The following RBM28 variants were observed in gnomAD, a reference collection of about 807,000 sequenced individuals.
The protein encoded by RBM28 is RNA binding motif protein 28.
A neutral mutation model predicts 98.3 loss-of-function variants in RBM28; 78 were observed. The observed-to-expected ratio is 0.79, with a 90% confidence interval of 0.66 to 0.96. The LOEUF (loss-of-function observed/expected upper bound fraction) is 0.96. Among genes scored for constraint, RBM28 ranks in the 40% least tolerant of loss-of-function variants. The probability of loss-of-function intolerance (pLI) is 0.00; values close to 1 mark genes in which losing one functional copy is unlikely to be tolerated. For synonymous variants in RBM28, 306 were observed against 330.9 expected (o/e 0.92, Z 0.82); for missense variants, 838 against 913.0 (o/e 0.92, Z 1.06).
rs1584661252 is a variant in RBM28, at chr7:128,336,479, T to C, written c.614-437A>G. On this transcript the variant is annotated intron_variant, in intron 6 of 18. Coordinates refer to ENST00000223073, the MANE Select transcript of RBM28 (RefSeq NM_018077.3). ...AAACCTCAAGTTTTAAGTTTCTCTA[T>C]TCTTAATGTTCCATCACTCCTATTA... is the stretch of plus-strand genomic sequence containing the variant. 2.0e-5 allele frequency among the ~76,000 whole-genome samples: 3 copies of C among 152,248 alleles called. No homozygotes were observed. The East Asian group carries it at 5.8e-4, about 29-fold the overall frequency.
At position 128,321,347 on chromosome 7, in the gene RBM28, G is replaced by GATGT; in HGVS notation, c.1481_1482insACAT (p.Pro495HisfsTer7). ...GCTGTTTGTCATCTACAGCCTTTGGGAGATTGTGCAGGCAGAGCCTGGTTC... is the reference window on the plus strand; with the variant it reads ...GCTGTTTGTCATCTACAGCCTTTGGGATGTAGATTGTGCAGGCAGAGCCTGGTTC... On this transcript the variant is annotated frameshift_variant, in exon 14 of 19. Coordinates refer to ENST00000223073, the MANE Select transcript of RBM28 (RefSeq NM_018077.3). LOFTEE classifies it high-confidence loss of function. 6.2e-7 allele frequency: 1 copy of GATGT among 1,614,222 alleles called. No individual in the cohort carries two copies. The highest frequency in any genetic ancestry group is 8.5e-7 in the Non-Finnish European group (1 of 1,180,040).
At chr7:128,332,448 G>A (rs944535299) in intron 9 of RBM28, among the ~76,000 whole-genome samples, 4 of 151,816 alleles carry the variant, frequency 2.6e-5, no homozygotes, top group Non-Finnish European at 4.4e-5. Flanking sequence ...CCACCTCTGC[G>A]TTTTAAGTGA....
At chr7:128,312,796 G>A (rs1312640834) in intron 18 of RBM28, among the ~76,000 whole-genome samples, 3 of 152,096 alleles carry the variant, frequency 2.0e-5, no homozygotes, top group Admixed American at 1.3e-4. Context: ...ATATTATAAT[G>A]GCATAAGGTG....
intron 18 of RBM28, among the ~76,000 whole-genome samples, chr7:128,312,042 CTAAAAA>C (rs1383230781): frequency 6.6e-6 from 1 of 152,166 alleles, no homozygotes; most frequent in Non-Finnish European, 1.5e-5. Context: ...CCCAGAATCA[CTAAAAA>C]TGGGCAACCA....
chr7:128,323,131 A>G (rs956065261), intron 13 of RBM28, among the ~76,000 whole-genome samples: 1 of 152,174 alleles, frequency 6.6e-6, no homozygotes, highest in Non-Finnish European at 1.5e-5. Context: ...TTCAAGAGCC[A>G]TATCTTCTCC....
At chr7:128,340,938 A>C (rs140304806) in intron 1 of RBM28, among the ~76,000 whole-genome samples, 37 of 152,366 alleles carry the variant, frequency 2.4e-4, no homozygotes, top group African/African-American at 8.4e-4. Flanking sequence ...CCTCCTCACC[A>C]GCCCCCATGT....
In RBM28 at chr7:128,329,749, T is replaced by C. The variant is rs547453503; in HGVS notation, c.1129+1070A>G. On this transcript the variant is annotated intron_variant, in intron 10 of 18. Coordinates refer to ENST00000223073, the MANE Select transcript of RBM28 (RefSeq NM_018077.3). Reference sequence around the variant, plus strand: ...AAATACAAACACAAAATTAGCCGGGTGCAGTGGTGGGCACCTGTAGTCCCA... The same window carrying C: ...AAATACAAACACAAAATTAGCCGGGCGCAGTGGTGGGCACCTGTAGTCCCA... Among the ~76,000 whole-genome samples the C allele has an allele frequency of 9.9e-5, 15 of 151,886 alleles. No homozygotes were observed. In the East Asian group the frequency reaches 2.9e-3, roughly 29 times the overall value.
rs1796668528 is a variant in RBM28 at position 128,339,256 on chromosome 7, T to C, written c.343A>G (p.Arg115Gly). ...KKAKVADKKARLIIRNLSFKC... is the reference protein window; with the variant it reads ...KKAKVADKKAGLIIRNLSFKC... ...AAGCTCAGGTTCCGAATAATTAATC[T>C]GGCTTTCTTATCTGCCACTTTGGCT... is the stretch of plus-strand genomic sequence containing the variant. The change falls in exon 3 of 19, where the codon AGA becomes GGA. Residue 115 changes from arginine (R) to glycine (G), a missense_variant. Coordinates refer to ENST00000223073, the MANE Select transcript of RBM28 (RefSeq NM_018077.3). The C allele has an allele frequency of 1.2e-6, 2 of 1,613,268 alleles. No homozygotes were observed. The highest frequency in any genetic ancestry group is 1.7e-5 in the Admixed American group (1 of 60,010).
chr7:128,339,781 T>C lies in RBM28; in HGVS notation c.129A>G (p.Ala43=), dbSNP rs1049980039. 2.5e-6 allele frequency: 4 copies of C among 1,614,006 alleles called. No individual in the cohort carries two copies. Among genetic ancestry groups the C allele is most frequent in the Non-Finnish European group, 3.4e-6 (4 of 1,179,926 alleles). ...CFVVTEKGSK[A]CRGFGYVTFS... ...AAGTGACATAGCCAAAGCCTCGACATGCCTTACTCCCTGGAATAATGGAGT... is the reference window on the plus strand; with the variant it reads ...AAGTGACATAGCCAAAGCCTCGACACGCCTTACTCCCTGGAATAATGGAGT... The change falls in exon 2 of 19, where the codon GCA becomes GCG. Residue 43 remains alanine (A), a synonymous_variant. Transcript: ENST00000223073.
chr7:128,331,013 T>C, intron 9 of RBM28, 85 bp from the exon 10 acceptor site: 1 of 902,918 alleles, frequency 1.1e-6, no homozygotes, highest in Admixed American at 1.8e-5. Context: ...GTGAGTTAGA[T>C]ATCAACTCTC....
At chr7:128,339,468 A>G (rs1232080780) in intron 2 of RBM28, 147 bp from the exon 3 acceptor site, 1 of 1,177,000 alleles carries the variant, frequency 8.5e-7, no homozygotes, top group Non-Finnish European at 1.2e-6. Context: ...AGATTTTTCC[A>G]AAGAACTAAA....
At chr7:128,320,131 C>G (rs938060773) in intron 14 of RBM28, among the ~76,000 whole-genome samples, 2 of 149,254 alleles carry the variant, frequency 1.3e-5, no homozygotes, top group African/African-American at 5.0e-5. Flanking sequence ...GCAAGAGAAT[C>G]GCTTGAACCC....
In RBM28 at chr7:128,299,536, C is replaced by G. The variant is rs755140750; in HGVS notation, c.*11261G>C. 1 of 152,188 alleles carries G rather than the reference C, an allele frequency of 6.6e-6. No homozygotes were observed. The highest frequency in any genetic ancestry group is 1.5e-5 in the Non-Finnish European group (1 of 68,038). The allele number at this position is 152,188 out of a possible 1,614,324, so 9.4% of individuals were successfully genotyped here. ...TAATGCATTATAAAAACAACAACAGCACCTGATTAGTATAATGACATATGT... is the reference window on the plus strand; with the variant it reads ...TAATGCATTATAAAAACAACAACAGGACCTGATTAGTATAATGACATATGT... On this transcript the variant is annotated 3_prime_UTR_variant, in exon 19 of 19. Transcript: ENST00000223073.
intron 1 of RBM28, chr7:128,341,348 T>C (rs1796719893): frequency 2.4e-5 from 8 of 328,434 alleles, no homozygotes; most frequent in South Asian, 2.2e-4. Flanking sequence ...CAACCAAAAG[T>C]AAAGCAGCTG....
At chr7:128,315,996 C>T (rs138782792) in intron 16 of RBM28, among the ~76,000 whole-genome samples, 34 of 152,328 alleles carry the variant, frequency 2.2e-4, no homozygotes, top group African/African-American at 7.5e-4. Context: ...GAAGTATTTG[C>T]ACTGAAGTGG....
rs1222850834 is a variant in RBM28, at chr7:128,300,841, G to C, written c.*9956C>G. 6.6e-6 allele frequency: 1 copy of C among 152,282 alleles called. No homozygotes were observed. The highest frequency in any genetic ancestry group is 1.5e-5 in the Non-Finnish European group (1 of 68,106). The allele number at this position is 152,282 out of a possible 1,614,324, so 9.4% of individuals were successfully genotyped here. A position where few individuals can be genotyped will look rare whatever the true frequency, so the allele number is the denominator to read the frequency against. On this transcript the variant is annotated 3_prime_UTR_variant, in exon 19 of 19. Transcript: ENST00000223073. ...GTTTGCTCTGGAAAAGGAGGAACAG[G>C]GACCTGGGTGCCATCTCTTCACAGC...
At chr7:128,329,016 T>A (rs1380630592) in intron 10 of RBM28, among the ~76,000 whole-genome samples, 2 of 151,504 alleles carry the variant, frequency 1.3e-5, no homozygotes, top group Admixed American at 1.3e-4. Flanking sequence ...GCAGTGGCAA[T>A]CATAGCTCAC....
chr7:128,331,882 T>C (rs537351422), intron 9 of RBM28, among the ~76,000 whole-genome samples: 90 of 152,322 alleles, frequency 5.9e-4, no homozygotes, highest in African/African-American at 2.1e-3. Flanking sequence ...AATGATTCTA[T>C]TTCATGGATA....
chr7:128,337,521 C>T (rs1024804732), intron 5 of RBM28, among the ~76,000 whole-genome samples: 6 of 151,690 alleles, frequency 4.0e-5, no homozygotes, highest in Non-Finnish European at 8.8e-5. Context: ...GAATCATCTG[C>T]ACCCTACCTG....
Sources: gnomAD v4.1 joint callset for allele counts (sites outside exome capture counted in the v4.1 genomes callset) on GRCh38, gnomAD v4.1.1 for gene constraint, MANE v1.5 for transcripts, NCBI Gene and HGNC (gene_info 2026-07-23, HGNC 2026-07-21) for gene names.